Variants in TTC28 observed in about 807,000 individuals in gnomAD.
The protein encoded by TTC28 is tetratricopeptide repeat domain 28.
TTC28 carries 61 observed loss-of-function variants against 198.0 expected under a neutral mutation model. That is an observed-to-expected ratio of 0.31 (90% CI 0.25 to 0.38). The LOEUF is 0.38. Ranked by LOEUF, TTC28 falls within the 10% of genes least tolerant of loss-of-function variation. The pLI, the probability that TTC28 is intolerant of heterozygous loss-of-function variation, is 1.00. For synonymous variants in TTC28, 1,171 were observed against 1,297.8 expected, an observed-to-expected ratio of 0.90 and a Z score of 2.10; for missense variants, 2,678 against 3,164.0, an observed-to-expected ratio of 0.85 and a Z score of 3.69.
chr22:28,425,929 G>A (rs773628412), intron 2 of TTC28, among the ~76,000 whole-genome samples: 3 of 152,090 alleles, frequency 2.0e-5, no homozygotes, highest in Non-Finnish European at 4.4e-5. Flanking sequence ...ACAAAATTTT[G>A]GCTGAGCACG....
chr22:28,504,592 C>T (rs1165284682), intron 2 of TTC28, among the ~76,000 whole-genome samples: 1 of 152,102 alleles, frequency 6.6e-6, no homozygotes, highest in Non-Finnish European at 1.5e-5. Context: ...ACCCTCAGCA[C>T]CTAGTGCAGT....
chr22:28,333,181 C>A (rs2045643899), intron 2 of TTC28, among the ~76,000 whole-genome samples: 1 of 152,048 alleles, frequency 6.6e-6, no homozygotes, highest in Non-Finnish European at 1.5e-5. Context: ...TTCAGATTTT[C>A]TTTTGCTTAT....
chr22:28,093,746 T>C (rs1941886305), intron 12 of TTC28, among the ~76,000 whole-genome samples: 1 of 152,170 alleles, frequency 6.6e-6, no homozygotes, highest in Non-Finnish European at 1.5e-5. Context: ...AATTTGTTTA[T>C]AACAAAAAAT....
At chr22:28,562,585 C>T (rs1471506985) in intron 2 of TTC28, among the ~76,000 whole-genome samples, 1 of 151,880 alleles carries the variant, frequency 6.6e-6, no homozygotes, top group Non-Finnish European at 1.5e-5. Context: ...TTTTTGACTT[C>T]CATTATCTAA....
chr22:28,407,818 A>G (rs907006800), intron 2 of TTC28, among the ~76,000 whole-genome samples: 4 of 152,198 alleles, frequency 2.6e-5, no homozygotes, highest in East Asian at 1.9e-4. Context: ...AACCACTTCT[A>G]TTGGAACATA....
chr22:28,099,843 G>A lies in TTC28; in HGVS notation c.3418-799C>T, dbSNP rs12171132. The stretch of plus-strand genomic sequence containing the variant: ...CATCCCGGAAATGGACGAGCCTGAG[G>A]GGAAGAGAGCGCCACACTCTCTGAA... On this transcript the variant is annotated intron_variant, in intron 9 of 22. Transcript: ENST00000397906. Among the ~76,000 whole-genome samples the A allele has an allele frequency of 6.8e-3, 1,035 of 152,310 alleles. 5 individuals carry two copies. Among genetic ancestry groups the A allele is most frequent in the Non-Finnish European group, 9.7e-3 (661 of 68,028 alleles).
intron 5 of TTC28, among the ~76,000 whole-genome samples, chr22:28,282,626 A>G (rs1240187959): frequency 6.6e-6 from 1 of 152,182 alleles, no homozygotes; most frequent in Non-Finnish European, 1.5e-5. Context: ...CCTGTTTTAC[A>G]GGTGATGAAC....
intron 2 of TTC28, among the ~76,000 whole-genome samples, chr22:28,495,741 A>G (rs1568979484): frequency 6.6e-6 from 1 of 152,188 alleles, no homozygotes; most frequent in Non-Finnish European, 1.5e-5. Context: ...CAGCCCAGAG[A>G]GATTTCTTCA....
At chr22:28,302,120 A>G (rs182949390) in intron 3 of TTC28, among the ~76,000 whole-genome samples, 13 of 152,086 alleles carry the variant, frequency 8.5e-5, no homozygotes, top group African/African-American at 2.4e-4. Context: ...TGGGACCCCA[A>G]AAGAGAAAGT....
chr22:28,163,459 G>A lies in TTC28; in HGVS notation c.1074C>T (p.Gly358=), dbSNP rs1293874091. 1 of 1,551,734 alleles carries A rather than the reference G, an allele frequency of 6.4e-7. No individual in the cohort carries two copies. The highest frequency in any genetic ancestry group is 1.4e-5 in the African/African-American group (1 of 73,148). The change falls in exon 6 of 23, where the codon GGC becomes GGT. Residue 358 remains glycine, a synonymous_variant. Coordinates refer to ENST00000397906, the MANE Select transcript of TTC28 (RefSeq NM_001145418.2). The part of the protein sequence containing the change: ...KDELSEAREL[G]NMGAVYIAMG... The stretch of plus-strand genomic sequence containing the variant: ...TGGCAATATACACAGCTCCCATGTT[G>A]CCAAGTTCTCGGGCTTCAGAAAGTT...
chr22:28,393,959 A>G (rs2046774588), intron 2 of TTC28, among the ~76,000 whole-genome samples: 1 of 152,102 alleles, frequency 6.6e-6, no homozygotes, highest in East Asian at 1.9e-4. Flanking sequence ...AACTGGTCTC[A>G]AACTTCTTGG....
At chr22:28,078,330 A>G (rs1941232744) in intron 12 of TTC28, among the ~76,000 whole-genome samples, 1 of 152,136 alleles carries the variant, frequency 6.6e-6, no homozygotes, top group East Asian at 1.9e-4. Flanking sequence ...TTTTACAAAC[A>G]CTAGCCCAGC....
At chr22:28,670,208 G>A (rs901301585) in intron 1 of TTC28, among the ~76,000 whole-genome samples, 29 of 151,564 alleles carry the variant, frequency 1.9e-4, no homozygotes, top group African/African-American at 6.5e-4. Flanking sequence ...TTCACATATC[G>A]TAAAACTTAC....
intron 2 of TTC28, among the ~76,000 whole-genome samples, chr22:28,459,203 G>C (rs1390823354): frequency 6.6e-6 from 1 of 152,174 alleles, no homozygotes; most frequent in Admixed American, 6.5e-5. Context: ...GAGGCAGGTG[G>C]ATCGCTTGAG....
intron 13 of TTC28, among the ~76,000 whole-genome samples, chr22:28,028,429 G>A: frequency 6.6e-6 from 1 of 152,222 alleles, no homozygotes; most frequent in East Asian, 1.9e-4. Context: ...ACCATTCAAA[G>A]TGCACAGCAC....
intron 2 of TTC28, among the ~76,000 whole-genome samples, chr22:28,539,486 C>G (rs2049364746): frequency 1.3e-5 from 2 of 151,718 alleles, no homozygotes. Flanking sequence ...ATATACAAAA[C>G]TTAGCCAGGC....
At chr22:28,262,985 T>C (rs773911561) in intron 5 of TTC28, among the ~76,000 whole-genome samples, 1 of 152,102 alleles carries the variant, frequency 6.6e-6, no homozygotes. Context: ...GAATTAAAAC[T>C]AGCAAAGACC....
chr22:28,160,351 C>T (rs1921026437), intron 6 of TTC28, among the ~76,000 whole-genome samples: 1 of 152,066 alleles, frequency 6.6e-6, no homozygotes. Context: ...TATGTACCCA[C>T]AGAAATTTTT....
rs60177369 is a variant in TTC28 at position 28,199,548 on chromosome 22, T to TATAC, written c.934-35950_934-35949insGTAT. On this transcript the variant is annotated intron_variant, in intron 5 of 22. Coordinates refer to ENST00000397906, the MANE Select transcript of TTC28 (RefSeq NM_001145418.2). ...ACCTATACATATATATATATATATATACACACAAACACTAAATTATTTGTG... is the reference window on the plus strand; with the variant it reads ...ACCTATACATATATATATATATATATATACACACACAAACACTAAATTATTTGTG... 2.9e-3 allele frequency among the ~76,000 whole-genome samples: 423 copies of TATAC among 147,472 alleles called. 3 individuals carry two copies. The highest frequency in any genetic ancestry group is 2.4e-3 in the Non-Finnish European group (164 of 67,216).
Sources: gnomAD v4.1 joint callset for allele counts (sites outside exome capture counted in the v4.1 genomes callset) on GRCh38, gnomAD v4.1.1 for gene constraint, MANE v1.5 for transcripts, NCBI Gene and HGNC (gene_info 2026-07-23, HGNC 2026-07-21) for gene names.